KALRN: variants seen among roughly 807,000 people sequenced by gnomAD.
KALRN encodes kalirin.
In KALRN, 70 loss-of-function variants were observed where a neutral mutation model predicts 353.7. That is an observed-to-expected ratio of 0.20 (90% CI 0.16 to 0.24). The LOEUF (loss-of-function observed/expected upper bound fraction) is 0.24, where lower values mean the gene tolerates loss of function less well. Ranked by LOEUF, KALRN falls within the 10% of genes least tolerant of loss-of-function variation. KALRN has a pLI of 1.00. For missense variants in KALRN, 2,791 were observed against 3,756.7 expected (o/e 0.74, Z 6.72); for synonymous variants, 1,391 against 1,434.8 (o/e 0.97, Z 0.69).
At position 124,678,294 on chromosome 3, in the gene KALRN, G is replaced by C; in HGVS notation, c.7298G>C (p.Gly2433Ala). ...CCTCGTAAACCCAAGGATATTCTGG[G>C]CAACAAAGTCTCTGTTAAAGTGAGT... ...TGPRKPKDILGNKVSVKETNS... is the reference protein window; with the variant it reads ...TGPRKPKDILANKVSVKETNS... Residue 2433 changes from glycine to alanine, a missense_variant, in exon 50 of 60, where the codon GGC becomes GCC. Gly to Ala is a moderately conservative substitution (Grantham distance 60, BLOSUM62 0). Transcript: ENST00000682506. The C allele has an allele frequency of 6.2e-7, 1 of 1,613,914 alleles. No individual in the cohort carries two copies. Among genetic ancestry groups the C allele is most frequent in the Non-Finnish European group, 8.5e-7 (1 of 1,179,870 alleles).
At chr3:124,092,498 G>A (rs2061175613) in intron 1 of KALRN, among the ~76,000 whole-genome samples, 1 of 152,214 alleles carries the variant, frequency 6.6e-6, no homozygotes, top group African/African-American at 2.4e-5. Flanking sequence ...GTTAATAAGT[G>A]GCCACATTTG....
At chr3:124,647,768 A>G (rs1413438211) in intron 37 of KALRN, among the ~76,000 whole-genome samples, 1 of 152,242 alleles carries the variant, frequency 6.6e-6, no homozygotes, top group Non-Finnish European at 1.5e-5. Flanking sequence ...CTATGTGATG[A>G]AAGCCATGCA....
At chr3:124,678,805 T>C (rs986755732) in intron 50 of KALRN, among the ~76,000 whole-genome samples, 2 of 152,184 alleles carry the variant, frequency 1.3e-5, no homozygotes, top group Non-Finnish European at 2.9e-5. Flanking sequence ...CTTCAGGCCA[T>C]TTTACTTGCA....
At chr3:124,684,132 C>G (rs2061457501) in intron 51 of KALRN, among the ~76,000 whole-genome samples, 1 of 152,134 alleles carries the variant, frequency 6.6e-6, no homozygotes, top group African/African-American at 2.4e-5. Context: ...CTATTCCTCT[C>G]CATCCCTGCA....
At chr3:124,387,538 C>G (rs1037444067) in intron 11 of KALRN, among the ~76,000 whole-genome samples, 27 of 152,170 alleles carry the variant, frequency 1.8e-4, no homozygotes, top group African/African-American at 6.3e-4. Context: ...GACCCCAGGT[C>G]TTTCTGACTC....
chr3:124,076,990 G>C (rs757969274), intron 1 of KALRN, among the ~76,000 whole-genome samples: 1 of 152,264 alleles, frequency 6.6e-6, no homozygotes, highest in Non-Finnish European at 1.5e-5. Flanking sequence ...CTAGTTTGCA[G>C]CTTCTGATTC....
At chr3:124,468,850 C>A (rs2060609032) in intron 25 of KALRN, among the ~76,000 whole-genome samples, 1 of 152,186 alleles carries the variant, frequency 6.6e-6, no homozygotes, top group African/African-American at 2.4e-5. Flanking sequence ...ATCAGAGGAG[C>A]CCTATACAAA....
intron 14 of KALRN, among the ~76,000 whole-genome samples, chr3:124,417,879 CCTATT>C (rs1469314040): frequency 2.0e-5 from 3 of 152,198 alleles, no homozygotes; most frequent in Non-Finnish European, 4.4e-5. Context: ...ATTTTGTACT[CCTATT>C]CTAGCACATG....
At chr3:124,332,232 G>T (rs1182158024) in intron 8 of KALRN, among the ~76,000 whole-genome samples, 1 of 152,020 alleles carries the variant, frequency 6.6e-6, no homozygotes, top group African/African-American at 2.4e-5. Context: ...AAGCATTTCT[G>T]TGGCCCCATG....
intron 1 of KALRN, among the ~76,000 whole-genome samples, chr3:124,194,636 T>C (rs1171500324): frequency 2.6e-5 from 4 of 152,226 alleles, no homozygotes; most frequent in Admixed American, 2.6e-4. Flanking sequence ...TTCATGTTAC[T>C]GAAAGCATAA....
intron 45 of KALRN, among the ~76,000 whole-genome samples, chr3:124,664,371 G>GCGCGCACGCGCGCGCGCA (rs1553719843): frequency 1.3e-5 from 1 of 77,044 alleles, no homozygotes; most frequent in African/African-American, 1.1e-4. Context: ...GTGTGTGTGT[G>GCGCGCACGCGCGCGCGCA]CGCGCGCGCG....
At chr3:124,356,948 T>C (rs540749107) in intron 10 of KALRN, among the ~76,000 whole-genome samples, 5 of 152,308 alleles carry the variant, frequency 3.3e-5, no homozygotes, top group Admixed American at 6.5e-5. Context: ...TATAAACCCA[T>C]TGGCTCTGTG....
intron 17 of KALRN, 113 bp downstream of exon 17, chr3:124,434,638 C>A: frequency 1.1e-6 from 1 of 873,406 alleles, no homozygotes; most frequent in Non-Finnish European, 1.8e-6. Context: ...CCTTTCAGTA[C>A]TAACATTTGA....
At chr3:124,386,994 G>GTC (rs1309794367) in intron 11 of KALRN, among the ~76,000 whole-genome samples, 1 of 152,140 alleles carries the variant, frequency 6.6e-6, no homozygotes, top group African/African-American at 2.4e-5. Flanking sequence ...TATTTTACCT[G>GTC]TCTTCCTATT....
intron 1 of KALRN, among the ~76,000 whole-genome samples, chr3:124,067,285 C>T (rs536348458): frequency 3.9e-5 from 6 of 152,102 alleles, no homozygotes; most frequent in South Asian, 4.2e-4. Flanking sequence ...CTGACCTTGA[C>T]GGTTCTTTCC....
intron 1 of KALRN, among the ~76,000 whole-genome samples, chr3:124,176,229 A>T (rs912293334): frequency 1.3e-5 from 2 of 152,112 alleles, no homozygotes; most frequent in Non-Finnish European, 2.9e-5. Flanking sequence ...GGCCTGGATT[A>T]TGTTAGGATC....
At chr3:124,254,806 T>C (rs1330467807) in intron 3 of KALRN, among the ~76,000 whole-genome samples, 2 of 152,232 alleles carry the variant, frequency 1.3e-5, no homozygotes, top group African/African-American at 2.4e-5. Context: ...AGCCAAGATG[T>C]AGCTGCTGGT....
intron 15 of KALRN, among the ~76,000 whole-genome samples, chr3:124,426,309 G>C (rs1008745054): frequency 2.6e-5 from 4 of 152,166 alleles, no homozygotes; most frequent in African/African-American, 9.7e-5. Context: ...GCTAAATTTA[G>C]ACAGTAGCTT....
rs185485657 is a variant in KALRN, at chr3:124,288,541, G to A, written c.970-10250G>A. Among the ~76,000 whole-genome samples the A allele has an allele frequency of 2.0e-3, 309 of 152,314 alleles. 1 individual carries two copies. Among genetic ancestry groups the A allele is most frequent in the Admixed American group, 2.6e-3 (40 of 15,304 alleles). On this transcript the variant is annotated intron_variant, in intron 5 of 59. Transcript: ENST00000682506. Reference sequence around the variant, plus strand: ...TTGGACCAGTCTGGGGTTGAGAGAGGCCTCAAATACCTGGTTAGGAAGATT... The same window carrying A: ...TTGGACCAGTCTGGGGTTGAGAGAGACCTCAAATACCTGGTTAGGAAGATT...
Sources: allele counts gnomAD v4.1 joint callset (sites outside exome capture counted in the v4.1 genomes callset), GRCh38; gene constraint gnomAD v4.1.1; transcripts MANE v1.5; gene names NCBI Gene and HGNC (gene_info 2026-07-23, HGNC 2026-07-21).